Variants in DDX17 observed in about 807,000 individuals in gnomAD.
The protein encoded by DDX17 is DEAD-box helicase 17.
In DDX17, 10 loss-of-function variants were observed where a neutral mutation model predicts 80.8. The ratio of observed to expected loss-of-function variants is 0.12; its 90% CI spans 0.08 to 0.21. The LOEUF (loss-of-function observed/expected upper bound fraction) is 0.21. Among genes scored for constraint, DDX17 ranks in the 10% least tolerant of loss-of-function variants. The pLI, the probability that DDX17 is intolerant of heterozygous loss-of-function variation, is 1.00. For synonymous variants in DDX17, 339 were observed against 336.2 expected, an observed-to-expected ratio of 1.01 and a Z score of -0.09; for missense variants, 586 against 957.4, an observed-to-expected ratio of 0.61 and a Z score of 5.12.
At chr22:38,505,735 C>T (rs2089874975) in intron 1 of DDX17, 1 of 555,264 alleles carries the variant, frequency 1.8e-6, no homozygotes, top group East Asian at 3.5e-5. Flanking sequence ...GCCGTCCGCA[C>T]GGAGAGGCCC....
At chr22:38,486,860 A>T (rs924033879) in intron 12 of DDX17, among the ~76,000 whole-genome samples, 1 of 152,106 alleles carries the variant, frequency 6.6e-6, no homozygotes. Flanking sequence ...ACTACTAAGC[A>T]TTTTTGAAAG....
chr22:38,484,910 CTT>C lies in DDX17; in HGVS notation c.*1023_*1024del, dbSNP rs539985804. The C allele has an allele frequency of 9.2e-5, 14 of 152,340 alleles. No individual in the cohort carries two copies. In the East Asian group the frequency reaches 2.3e-3, roughly 25 times the overall value. 9.4% of individuals were successfully genotyped at this position (152,340 alleles called of 1,614,324 possible). On this transcript the variant is annotated 3_prime_UTR_variant, in exon 13 of 13. Coordinates refer to ENST00000403230, the MANE Select transcript of DDX17 (RefSeq NM_006386.5). Reference sequence around the variant, plus strand: ...CCTTAAGATTCTTTGTTCAAGGTAACTTTGCCAAAAGGGCAGAGTAGGTGGCA... The same window carrying C: ...CCTTAAGATTCTTTGTTCAAGGTAACTGCCAAAAGGGCAGAGTAGGTGGCA...
chr22:38,499,520 AAGTT>A (rs1569142110), intron 2 of DDX17, 21 bp from the exon 3 acceptor site: 1 of 1,200,690 alleles, frequency 8.3e-7, no homozygotes, highest in African/African-American at 1.8e-5. Context: ...AAAATGAAAG[AAGTT>A]AGTAAACTAG....
chr22:38,506,261 A>G lies in DDX17; in HGVS notation c.-24T>C. ...AGGTTTGGCTACGCTCAAACCGGGC[A>G]GTGCCGCGGTTTAGGCGTCTCCTTC... On this transcript the variant is annotated 5_prime_UTR_variant, in exon 1 of 13. Coordinates refer to ENST00000403230, the MANE Select transcript of DDX17 (RefSeq NM_006386.5). 6.3e-7 allele frequency: 1 copy of G among 1,581,320 alleles called. No individual in the cohort carries two copies. The highest frequency in any genetic ancestry group is 8.6e-7 in the Non-Finnish European group (1 of 1,166,468).
chr22:38,497,627 A>AAAAAAAG (rs2089783153), intron 5 of DDX17, among the ~76,000 whole-genome samples: 1 of 149,618 alleles, frequency 6.7e-6, no homozygotes, highest in Admixed American at 6.7e-5. Context: ...TCCAAAAAAA[A>AAAAAAAG]AAAAAAAAAA....
In DDX17 at chr22:38,498,512, C is replaced by T. The variant is rs1325560863; in HGVS notation, c.600G>A (p.Gln200=). ...GGCCACTAAGAGCCAACGGAAATCCCTGGCACTGAATTGGAGTTGGTTCTG... is the reference window on the plus strand; with the variant it reads ...GGCCACTAAGAGCCAACGGAAATCCTTGGCACTGAATTGGAGTTGGTTCTG... Residue 200 remains glutamine (Q), a synonymous_variant, in exon 4 of 13, where the codon CAG becomes CAA. Transcript: ENST00000403230. 6.2e-7 allele frequency: 1 copy of T among 1,614,186 alleles called. No individual in the cohort carries two copies. The highest frequency in any genetic ancestry group is 1.1e-5 in the South Asian group (1 of 91,086).
intron 1 of DDX17, 47 bp from the exon 2 acceptor site, chr22:38,501,327 G>T (rs374131914): frequency 1.3e-5 from 21 of 1,580,610 alleles, no homozygotes; most frequent in African/African-American, 2.7e-5. Flanking sequence ...TTAAAGCAAC[G>T]TATCGTACAT....
chr22:38,505,812 C>T, intron 1 of DDX17, 139 bp downstream of exon 1: 1 of 1,147,142 alleles, frequency 8.7e-7, no homozygotes. Flanking sequence ...GCGCACGAAA[C>T]CGCTGTCTCG....
intron 5 of DDX17, among the ~76,000 whole-genome samples, chr22:38,497,297 C>CTAA (rs2089778485): frequency 2.8e-5 from 1 of 36,182 alleles, no homozygotes; most frequent in Admixed American, 5.2e-4. Context: ...AACTCCATCT[C>CTAA]AAAAAAAAAA....
In DDX17 at chr22:38,485,255, T is replaced by C. The variant is rs1047651871; in HGVS notation, c.*680A>G. On this transcript the variant is annotated 3_prime_UTR_variant, in exon 13 of 13. Coordinates refer to ENST00000403230, the MANE Select transcript of DDX17 (RefSeq NM_006386.5). The stretch of plus-strand genomic sequence containing the variant: ...GGATACACAAAACTCAGCAATTCAA[T>C]TTCTAGCCTGACACTAAAATGGTTA... 2.6e-5 allele frequency: 4 copies of C among 152,186 alleles called. No individual in the cohort carries two copies. Among genetic ancestry groups the C allele is most frequent in the Admixed American group, 2.6e-4 (4 of 15,284 alleles). The allele number at this position is 152,186 out of a possible 1,614,324, so 9.4% of individuals were successfully genotyped here.
Position 38,495,882 on chromosome 22 carries a change from T to C in DDX17, c.794A>G (p.Asp265Gly). The C allele has an allele frequency of 6.2e-7, 1 of 1,611,258 alleles. No homozygotes were observed. The highest frequency in any genetic ancestry group is 8.5e-7 in the Non-Finnish European group (1 of 1,179,146). Reference sequence around the variant, plus strand: ...CAATCTAGAACATTTGCCATAGTCATCGGCCACCTGCTGTACTTGCTGGGC... The same window carrying C: ...CAATCTAGAACATTTGCCATAGTCACCGGCCACCTGCTGTACTTGCTGGGC... Residue 265 changes from aspartate (D) to glycine (G), a missense_variant, in exon 6 of 13, where the codon GAT becomes GGT. By Grantham distance (94) the Asp-to-Gly change is moderately conservative (BLOSUM62 -1). Coordinates refer to ENST00000403230, the MANE Select transcript of DDX17 (RefSeq NM_006386.5).
At chr22:38,505,704 G>A (rs551478292) in intron 1 of DDX17, 3 of 505,654 alleles carry the variant, frequency 5.9e-6, no homozygotes, top group African/African-American at 4.1e-5. Context: ...GGCTGGGATG[G>A]GGCCGGGCCG....
chr22:38,489,301 C>T lies in DDX17; in HGVS notation c.1448-1186G>A. On this transcript the variant is annotated intron_variant, in intron 11 of 12. Coordinates refer to ENST00000403230, the MANE Select transcript of DDX17 (RefSeq NM_006386.5). The surrounding 1 kb of genome is among the most constrained non-coding windows in gnomAD (Gnocchi z 4.6). The stretch of plus-strand genomic sequence containing the variant: ...CTCTTTGCCTTTTATTTTTGGCGGC[C>T]TCCTTTCGAAAACTCCGCCTTCTGA... The T allele has an allele frequency of 1.0e-6, 1 of 985,770 alleles. No homozygotes were observed. The highest frequency in any genetic ancestry group is 1.2e-6 in the Non-Finnish European group (1 of 829,932). 61.1% of individuals were successfully genotyped at this position (985,770 alleles called of 1,614,324 possible).
chr22:38,497,744 C>T (rs1261503859), intron 5 of DDX17, among the ~76,000 whole-genome samples: 6 of 151,358 alleles, frequency 4.0e-5, no homozygotes, highest in South Asian at 4.2e-4. Flanking sequence ...CTGACCAACA[C>T]GGAGCGAACC....
At position 38,491,552 on chromosome 22, in the gene DDX17, A is replaced by G. The variant is rs1003111526; in HGVS notation, c.1447+504T>C. 13 of 152,400 alleles carry G rather than the reference A, an allele frequency of 8.5e-5. 1 individual carries two copies. The highest frequency in any genetic ancestry group is 3.1e-4 in the African/African-American group (13 of 41,466). The allele number at this position is 152,400 out of a possible 1,614,324, so 9.4% of individuals were successfully genotyped here. A position where few individuals can be genotyped will look rare whatever the true frequency, so the allele number is the denominator to read the frequency against. On this transcript the variant is annotated intron_variant, in intron 11 of 12. Transcript: ENST00000403230. ...CAGTAAATTAAACTGGGCAATACAC[A>G]TATTTGCTATTCTGATACTGCATTA...
chr22:38,498,611 TAAAGACAC>T, intron 3 of DDX17, 38 bp from the exon 4 acceptor site: 1 of 1,607,160 alleles, frequency 6.2e-7, no homozygotes, highest in South Asian at 1.1e-5. Context: ...TTATTGTGTT[TAAAGACAC>T]AAACCAAGAG....
chr22:38,501,398 G>T, intron 1 of DDX17, 118 bp from the exon 2 acceptor site: 1 of 1,215,172 alleles, frequency 8.2e-7, no homozygotes, highest in Non-Finnish European at 1.1e-6. Flanking sequence ...CCTCCAAAAA[G>T]ACCATTTTAT....
rs556787406 is a variant in DDX17, at chr22:38,489,839, G to A, written c.1448-1724C>T. ...AAGAATTTACAGGGCCAGGGTGGAT[G>A]TAAGACAGGGGGTGGGGAATTCTAC... On this transcript the variant is annotated intron_variant, in intron 11 of 12. Coordinates refer to ENST00000403230, the MANE Select transcript of DDX17 (RefSeq NM_006386.5). The surrounding 1 kb of genome is among the most constrained non-coding windows in gnomAD (Gnocchi z 4.6). The A allele has an allele frequency of 4.1e-5, 40 of 986,020 alleles. No individual in the cohort carries two copies. In the Admixed American group the frequency reaches 1.2e-3, roughly 29 times the overall value. The allele number at this position is 986,020 out of a possible 1,614,324, so 61.1% of individuals were successfully genotyped here.
At chr22:38,503,661 T>C (rs1239106030) in intron 1 of DDX17, among the ~76,000 whole-genome samples, 1 of 152,236 alleles carries the variant, frequency 6.6e-6, no homozygotes, top group Non-Finnish European at 1.5e-5. Flanking sequence ...GCTCAAATGT[T>C]TTTATCCGGT....
Sources: allele counts gnomAD v4.1 joint callset (sites outside exome capture counted in the v4.1 genomes callset), GRCh38; gene constraint gnomAD v4.1.1; non-coding constraint Gnocchi (gnomAD v3.1); transcripts MANE v1.5; gene names NCBI Gene and HGNC (gene_info 2026-07-23, HGNC 2026-07-21).